The following ARB2A variants were observed in gnomAD, a reference collection of about 807,000 sequenced individuals.
ARB2A encodes the protein cotranscriptional regulator ARB2A.
chr5:93,793,024 G>C, the ARB2A span, among the ~76,000 whole-genome samples: 1 of 151,776 alleles, frequency 6.6e-6, no homozygotes, highest in Non-Finnish European at 1.5e-5. Flanking sequence ...GAGAGTAAGT[G>C]ACCCACGCAT....
At chr5:93,751,354 G>A in the ARB2A span, among the ~76,000 whole-genome samples, 6 of 152,114 alleles carry the variant, frequency 3.9e-5, no homozygotes, top group East Asian at 9.6e-4. Flanking sequence ...TGGCTGAAGG[G>A]GATATTAAAC....
the ARB2A span, among the ~76,000 whole-genome samples, chr5:94,098,919 C>T: frequency 6.6e-5 from 10 of 152,054 alleles, no homozygotes; most frequent in African/African-American, 2.4e-4. Flanking sequence ...CCTCCCAAGA[C>T]GGAGCCAGAA....
the ARB2A span, among the ~76,000 whole-genome samples, chr5:93,791,515 C>A: frequency 1.3e-5 from 2 of 152,182 alleles, no homozygotes; most frequent in African/African-American, 4.8e-5. Flanking sequence ...TAAGAGCAAG[C>A]CTTAGCACTG....
chr5:94,021,977 A>G, the ARB2A span, among the ~76,000 whole-genome samples: 2 of 152,180 alleles, frequency 1.3e-5, no homozygotes, highest in Non-Finnish European at 2.9e-5. Flanking sequence ...AGGCTGAGGC[A>G]GGAGAATCGC....
the ARB2A span, among the ~76,000 whole-genome samples, chr5:93,673,136 G>A: frequency 6.6e-6 from 1 of 152,120 alleles, no homozygotes; most frequent in African/African-American, 2.4e-5. Flanking sequence ...ACTTTACACT[G>A]TAGATTTTAT....
the ARB2A span, among the ~76,000 whole-genome samples, chr5:94,063,824 C>T: frequency 2.0e-5 from 3 of 151,992 alleles, no homozygotes; most frequent in Non-Finnish European, 2.9e-5. Context: ...CTCTACTCAA[C>T]CAACACCATA....
chr5:94,042,446 C>T, the ARB2A span, among the ~76,000 whole-genome samples: 1 of 150,646 alleles, frequency 6.6e-6, no homozygotes, highest in African/African-American at 2.4e-5. Flanking sequence ...GCTGGGATTA[C>T]AGGCGCCCGC....
chr5:94,011,631 C>T, the ARB2A span, among the ~76,000 whole-genome samples: 1 of 152,012 alleles, frequency 6.6e-6, no homozygotes, highest in Non-Finnish European at 1.5e-5. Flanking sequence ...CTGGCTAGCT[C>T]TACAGATTGA....
chr5:93,715,643 CTTT>C, the ARB2A span, among the ~76,000 whole-genome samples: 4 of 141,714 alleles, frequency 2.8e-5, no homozygotes, highest in Non-Finnish European at 3.1e-5. Flanking sequence ...TTTCCCCCGC[CTTT>C]TTTTTTTTTT....
the ARB2A span, among the ~76,000 whole-genome samples, chr5:94,066,249 AT>A: frequency 6.6e-6 from 1 of 152,126 alleles, no homozygotes; most frequent in Non-Finnish European, 1.5e-5. Context: ...AAGTAGAAAG[AT>A]TTCAAATAAT....
the ARB2A span, among the ~76,000 whole-genome samples, chr5:93,969,659 G>A: frequency 3.9e-5 from 6 of 151,994 alleles, no homozygotes; most frequent in Non-Finnish European, 7.4e-5. Context: ...GGAAAATGAA[G>A]TATAATAAAA....
the ARB2A span, among the ~76,000 whole-genome samples, chr5:94,048,877 G>A: frequency 6.6e-6 from 1 of 152,296 alleles, no homozygotes; most frequent in Non-Finnish European, 1.5e-5. Context: ...AGATGATCCA[G>A]AGCAAAAGCT....
the ARB2A span, among the ~76,000 whole-genome samples, chr5:93,649,960 T>C: frequency 2.0e-5 from 3 of 152,060 alleles, no homozygotes; most frequent in African/African-American, 7.2e-5. Flanking sequence ...CAGAAGAATA[T>C]GACAGGATCC....
chr5:93,761,539 A>G, the ARB2A span, among the ~76,000 whole-genome samples: 2 of 152,222 alleles, frequency 1.3e-5, no homozygotes, highest in Non-Finnish European at 2.9e-5. Flanking sequence ...AGGCTTGAGT[A>G]GGTAAACAAA....
chr5:94,109,123 C>T, the ARB2A span, among the ~76,000 whole-genome samples: 1 of 152,140 alleles, frequency 6.6e-6, no homozygotes, highest in Non-Finnish European at 1.5e-5. Flanking sequence ...TTCTGACACA[C>T]GCTACAACAT....
the ARB2A span, among the ~76,000 whole-genome samples, chr5:93,730,446 T>A: frequency 3.3e-5 from 5 of 151,970 alleles, no homozygotes; most frequent in Non-Finnish European, 5.9e-5. Flanking sequence ...CAAAAAAAAA[T>A]GTTTGAAATG....
At chr5:93,689,519 A>C in the ARB2A span, among the ~76,000 whole-genome samples, 1 of 152,214 alleles carries the variant, frequency 6.6e-6, no homozygotes, top group Non-Finnish European at 1.5e-5. Context: ...ATCTGACCGC[A>C]TAACTGAGGA....
At chr5:93,870,008 A>T in the ARB2A span, among the ~76,000 whole-genome samples, 1 of 152,266 alleles carries the variant, frequency 6.6e-6, no homozygotes, top group Non-Finnish European at 1.5e-5. Context: ...GCTAGAAAGC[A>T]GGCACAGACA....
At chr5:94,102,470 T>G in the ARB2A span, among the ~76,000 whole-genome samples, 1 of 151,658 alleles carries the variant, frequency 6.6e-6, no homozygotes, top group African/African-American at 2.4e-5. Flanking sequence ...CAGACAAAAA[T>G]AAAGGCAAAC....
Sources: gnomAD v4.1 joint callset for allele counts (sites outside exome capture counted in the v4.1 genomes callset) on GRCh38, gnomAD v4.1.1 for gene constraint, MANE v1.5 for transcripts, NCBI Gene and HGNC (gene_info 2026-07-23, HGNC 2026-07-21) for gene names.